GFPT1: variants seen among roughly 807,000 people sequenced by gnomAD.
GFPT1 encodes the protein glutamine--fructose-6-phosphate aminotransferase [isomerizing] 1.
Under a neutral mutation model 92.0 loss-of-function variants are expected in GFPT1, and 40 were observed. The ratio of observed to expected loss-of-function variants is 0.43; its 90% CI spans 0.34 to 0.57. The LOEUF (loss-of-function observed/expected upper bound fraction) is 0.57. Among genes scored for constraint, GFPT1 ranks in the 20% least tolerant of loss-of-function variants. GFPT1 has a pLI of 0.02. For synonymous variants in GFPT1, 269 were observed against 280.6 expected, an observed-to-expected ratio of 0.96 and a Z score of 0.41; for missense variants, 448 against 869.1, an observed-to-expected ratio of 0.52 and a Z score of 6.09.
At chr2:69,377,860 G>A (rs552522836) in intron 1 of GFPT1, among the ~76,000 whole-genome samples, 22 of 152,286 alleles carry the variant, frequency 1.4e-4, no homozygotes, top group African/African-American at 3.9e-4. Flanking sequence ...TGGGGTGCCC[G>A]AGACAATACT....
chr2:69,325,675 TAC>T lies in GFPT1; in HGVS notation c.*512_*513del, dbSNP rs912948547. On this transcript the variant is annotated 3_prime_UTR_variant, in exon 20 of 20. Coordinates refer to ENST00000357308, the MANE Select transcript of GFPT1 (RefSeq NM_001244710.2). ...AATAAAATTTTTCAGTTTTAAGTTT[TAC>T]AGTTTGATTTAAAAACAAAACAGAA... 1 of 152,560 alleles carries T rather than the reference TAC, an allele frequency of 6.6e-6. No individual in the cohort carries two copies. The highest frequency in any genetic ancestry group is 1.5e-5 in the Non-Finnish European group (1 of 68,292). The allele number at this position is 152,560 out of a possible 1,614,324, so 9.5% of individuals were successfully genotyped here.
chr2:69,378,817 C>G (rs1671940548), intron 1 of GFPT1, among the ~76,000 whole-genome samples: 1 of 152,160 alleles, frequency 6.6e-6, no homozygotes, highest in South Asian at 2.1e-4. Flanking sequence ...AACATTGTAA[C>G]TTATCAGTGA....
intron 9 of GFPT1, among the ~76,000 whole-genome samples, chr2:69,352,612 CAAAAA>C (rs748958210): frequency 4.2e-5 from 2 of 47,378 alleles, no homozygotes; most frequent in African/African-American, 1.5e-4. Flanking sequence ...GACTTCGTCT[CAAAAA>C]AAAAAAAAAA....
intron 2 of GFPT1, among the ~76,000 whole-genome samples, chr2:69,371,063 T>C (rs937876223): frequency 2.0e-5 from 3 of 149,028 alleles, no homozygotes; most frequent in African/African-American, 4.9e-5. Flanking sequence ...TCAGCTTATT[T>C]TTCTTTTCTT....
intron 13 of GFPT1, among the ~76,000 whole-genome samples, chr2:69,339,053 G>T (rs1410413882): frequency 2.0e-5 from 3 of 152,016 alleles, no homozygotes; most frequent in African/African-American, 7.3e-5. Flanking sequence ...CAAAGTGCTG[G>T]GATTACAGGC....
chr2:69,329,666 A>G lies in GFPT1; in HGVS notation c.1597+18T>C. 3.3e-6 allele frequency: 5 copies of G among 1,505,324 alleles called. No homozygotes were observed. Among genetic ancestry groups the G allele is most frequent in the Non-Finnish European group, 4.6e-6 (5 of 1,080,600 alleles). The allele number at this position is 1,505,324 out of a possible 1,614,324, so 93.2% of individuals were successfully genotyped here. A position where few individuals can be genotyped will look rare whatever the true frequency, so the allele number is the denominator to read the frequency against. On this transcript the variant is annotated intron_variant, in intron 16 of 19. Transcript: ENST00000357308. ...CTCCCTTAGACAACAAAAGTGTAAT[A>G]TATGAGTGTCTTTGTACCAGGCAGC...
chr2:69,370,895 G>A (rs1671729970), intron 2 of GFPT1, among the ~76,000 whole-genome samples: 1 of 151,782 alleles, frequency 6.6e-6, no homozygotes, highest in Non-Finnish European at 1.5e-5. Context: ...AGCTACTTGG[G>A]AGGCTGAGGC....
At chr2:69,358,733 A>G (rs1001866464) in intron 5 of GFPT1, among the ~76,000 whole-genome samples, 1 of 152,220 alleles carries the variant, frequency 6.6e-6, no homozygotes, top group African/African-American at 2.4e-5. Context: ...AATAAAATTT[A>G]AAATTCAGTT....
rs371761341 is a variant in GFPT1, at chr2:69,327,051, T to C, written c.1918A>G (p.Lys640Glu). 3 of 1,614,116 alleles carry C rather than the reference T, an allele frequency of 1.9e-6. No individual in the cohort carries two copies. The highest frequency in any genetic ancestry group is 1.3e-5 in the African/African-American group (1 of 75,046). Residue 640 changes from lysine to glutamate, a missense_variant, in exon 19 of 20, where the codon AAG becomes GAG. Transcript: ENST00000357308. ...RQGRPVVICD[K>E]EDTETIKNTK... ...TTCTTAATGGTCTCAGTATCCTCCT[T>C]ATCACAAATTACCACAGGCCGCCCC...
intron 15 of GFPT1, among the ~76,000 whole-genome samples, chr2:69,335,248 C>A (rs1461646303): frequency 6.6e-6 from 1 of 152,114 alleles, no homozygotes; most frequent in African/African-American, 2.4e-5. Flanking sequence ...CTCAAGTGAT[C>A]CTCCCAATTC....
intron 18 of GFPT1, among the ~76,000 whole-genome samples, chr2:69,327,371 G>GAAT (rs1670556393): frequency 6.6e-6 from 1 of 152,256 alleles, no homozygotes; most frequent in South Asian, 2.1e-4. Context: ...TGTGCTTAGG[G>GAAT]AATAATATCT....
Position 69,342,179 on chromosome 2 carries a change from A to G in GFPT1, c.1176T>C (p.Cys392=). 6.2e-7 allele frequency: 1 copy of G among 1,609,452 alleles called. No individual in the cohort carries two copies. Among genetic ancestry groups the G allele is most frequent in the Non-Finnish European group, 8.5e-7 (1 of 1,176,202 alleles). ...CTACACCAGCATGGTAACTTGTTCC[A>G]CAAGCAATAAGAATCAAACGCCGGC... ...QRCRRLILIA[C]GTSYHAGVAT... Residue 392 remains cysteine (C), a synonymous_variant, in exon 13 of 20, where the codon TGT becomes TGC. Coordinates refer to ENST00000357308, the MANE Select transcript of GFPT1 (RefSeq NM_001244710.2).
chr2:69,345,801 A>G, intron 12 of GFPT1, 103 bp downstream of exon 12: 1 of 738,096 alleles, frequency 1.4e-6, no homozygotes, highest in Non-Finnish European at 2.4e-6. Context: ...TGGCAGCTGT[A>G]GTTGTTCTAC....
At chr2:69,384,439 C>T (rs939688632) in intron 1 of GFPT1, among the ~76,000 whole-genome samples, 3 of 151,832 alleles carry the variant, frequency 2.0e-5, no homozygotes, top group South Asian at 4.2e-4. Context: ...TAACTAGGGC[C>T]GGGTAAGGTG....
intron 9 of GFPT1, among the ~76,000 whole-genome samples, chr2:69,351,636 A>G (rs1671209611): frequency 6.6e-6 from 1 of 152,216 alleles, no homozygotes; most frequent in South Asian, 2.1e-4. Context: ...AAAGCCAAAA[A>G]AAGTATATTC....
At chr2:69,370,251 C>G (rs537817953) in intron 2 of GFPT1, 143 bp from the exon 3 acceptor site, 1 of 666,270 alleles carries the variant, frequency 1.5e-6, no homozygotes, top group East Asian at 2.7e-5. Flanking sequence ...TACTGAAAAC[C>G]TATTGTGTGT....
intron 15 of GFPT1, among the ~76,000 whole-genome samples, chr2:69,337,358 C>G (rs556302746): frequency 5.6e-4 from 86 of 152,256 alleles, no homozygotes; most frequent in African/African-American, 1.9e-3. Context: ...AGCCACCATG[C>G]CTGGCAGTTG....
At chr2:69,387,028 CA>C in intron 1 of GFPT1, 36 bp downstream of exon 1, 2 of 1,480,740 alleles carry the variant, frequency 1.4e-6, no homozygotes, top group African/African-American at 1.4e-5. Flanking sequence ...ACCCCAGCGC[CA>C]CCCGGCAACA....
intron 2 of GFPT1, 32 bp downstream of exon 2, chr2:69,373,974 A>T: frequency 1.0e-6 from 1 of 977,260 alleles, no homozygotes; most frequent in Non-Finnish European, 1.7e-6. Flanking sequence ...TTAAAGAATC[A>T]TGCAAAATCC....
Sources: allele counts gnomAD v4.1 joint callset (sites outside exome capture counted in the v4.1 genomes callset), GRCh38; gene constraint gnomAD v4.1.1; transcripts MANE v1.5; gene names NCBI Gene and HGNC (gene_info 2026-07-23, HGNC 2026-07-21).